The following ASPH variants were observed in gnomAD, a reference collection of about 807,000 sequenced individuals.
ASPH encodes the protein aspartate beta-hydroxylase, also known as aspartyl/asparaginyl beta-hydroxylase.
A neutral mutation model predicts 118.4 loss-of-function variants in ASPH; 100 were observed. The observed-to-expected ratio is 0.84, with a 90% confidence interval of 0.72 to 1.00. The LOEUF is 1.00. ASPH is among the 50% of genes least tolerant of loss of function. The pLI, the probability that ASPH is intolerant of heterozygous loss-of-function variation, is 0.00. For synonymous variants in ASPH, 315 were observed against 325.6 expected (o/e 0.97, Z 0.35); for missense variants, 920 against 919.5 (o/e 1.00, Z -0.01).
Position 61,638,501 on chromosome 8 carries a change from G to C in ASPH, c.791-138C>G, listed in dbSNP as rs544215398. Reference sequence around the variant, plus strand: ...TCAGTCACTGGGAAACAGCCGACTAGAGAGTAGGGTGGAGAAGAGTTTGGT... The same window carrying C: ...TCAGTCACTGGGAAACAGCCGACTACAGAGTAGGGTGGAGAAGAGTTTGGT... On this transcript the variant is annotated intron_variant, in intron 10 of 24. Transcript: ENST00000379454. The C allele has an allele frequency of 1.8e-4, 133 of 735,948 alleles. No homozygotes were observed. In the African/African-American group the frequency reaches 2.1e-3, roughly 12 times the overall value. The allele number at this position is 735,948 out of a possible 1,614,324, so 45.6% of individuals were successfully genotyped here.
intron 14 of ASPH, among the ~76,000 whole-genome samples, chr8:61,591,662 A>G (rs1563942382): frequency 1.3e-5 from 2 of 152,222 alleles, no homozygotes; most frequent in Non-Finnish European, 1.5e-5. Context: ...CTGTGCTGAT[A>G]ATAACAGCTG....
At chr8:61,670,793 A>T (rs980162502) in intron 3 of ASPH, among the ~76,000 whole-genome samples, 2 of 152,000 alleles carry the variant, frequency 1.3e-5, no homozygotes, top group Non-Finnish European at 2.9e-5. Flanking sequence ...GACAAGAAAC[A>T]ATAGCTCAAA....
intron 6 of ASPH, among the ~76,000 whole-genome samples, chr8:61,645,683 T>C (rs1281342029): frequency 1.3e-5 from 2 of 152,246 alleles, no homozygotes; most frequent in Non-Finnish European, 2.9e-5. Context: ...CAGAAAATTA[T>C]GCATTATATA....
chr8:61,638,358 A>G lies in ASPH; in HGVS notation c.796T>C (p.Tyr266His). 1 of 1,576,678 alleles carries G rather than the reference A, an allele frequency of 6.3e-7. No individual in the cohort carries two copies. Among genetic ancestry groups the G allele is most frequent in the South Asian group, 1.2e-5 (1 of 84,360 alleles). Reference sequence around the variant, plus strand: ...ATCCCTTCATTTTCTAGAGGTTCATATACTGCTAAAAAAAAAAAAACAGAA... The same window carrying G: ...ATCCCTTCATTTTCTAGAGGTTCATGTACTGCTAAAAAAAAAAAAACAGAA... ...TYQVYEEQAV[Y>H]EPLENEGIEI... is the part of the protein sequence containing the mutation. Residue 266 changes from tyrosine (Y) to histidine (H), a missense_variant, in exon 11 of 25, where the codon TAT becomes CAT. By Grantham distance (83) the Tyr-to-His change is moderately conservative. Transcript: ENST00000379454.
chr8:61,511,700 T>C (rs1808878717), intron 24 of ASPH, among the ~76,000 whole-genome samples: 1 of 152,214 alleles, frequency 6.6e-6, no homozygotes, highest in Non-Finnish European at 1.5e-5. Context: ...ACCTCCATTA[T>C]TCAAGTGATT....
chr8:61,528,609 TA>T (rs34829187), intron 21 of ASPH, among the ~76,000 whole-genome samples: 148,650 of 152,240 alleles, frequency 0.98, 72,583 homozygotes, highest in East Asian at 1. Context: ...CTTTTGTTAC[TA>T]AAAATAGGGC....
In ASPH at chr8:61,714,547, C is replaced by T. The variant is rs1838929795; in HGVS notation, c.-176G>A. On this transcript the variant is annotated 5_prime_UTR_variant, in exon 1 of 25. Coordinates refer to ENST00000379454, the MANE Select transcript of ASPH (RefSeq NM_004318.4). ...GCAGCACCTGGGAAGACTTCACCCG[C>T]CTGCCGGCTGCGCGCGCCCGGCCTC... 1 of 1,004,936 alleles carries T rather than the reference C, an allele frequency of 1.0e-6. No homozygotes were observed. Among genetic ancestry groups the T allele is most frequent in the Non-Finnish European group, 1.3e-6 (1 of 770,570 alleles). 62.3% of individuals were successfully genotyped at this position (1,004,936 alleles called of 1,614,324 possible). A position where few individuals can be genotyped will look rare whatever the true frequency, so the allele number is the denominator to read the frequency against.
rs13439225 is a variant in ASPH at position 61,714,548 on chromosome 8, C to G, written c.-177G>C. ...CAGCACCTGGGAAGACTTCACCCGC[C>G]TGCCGGCTGCGCGCGCCCGGCCTCG... On this transcript the variant is annotated 5_prime_UTR_variant, in exon 1 of 25. Coordinates refer to ENST00000379454, the MANE Select transcript of ASPH (RefSeq NM_004318.4). 0.033 allele frequency: 32,582 copies of G among 989,694 alleles called. 655 individuals are homozygous for G. The highest frequency in any genetic ancestry group is 0.068 in the African/African-American group (3,992 of 58,666). The allele number at this position is 989,694 out of a possible 1,614,324, so 61.3% of individuals were successfully genotyped here. A position where few individuals can be genotyped will look rare whatever the true frequency, so the allele number is the denominator to read the frequency against.
chr8:61,584,709 A>G (rs1218755660), intron 14 of ASPH, among the ~76,000 whole-genome samples: 1 of 135,576 alleles, frequency 7.4e-6, no homozygotes, highest in South Asian at 2.3e-4. Context: ...GAGTCTCACT[A>G]TGTCACCCAG....
chr8:61,670,696 G>A (rs576609018), intron 3 of ASPH, among the ~76,000 whole-genome samples: 2 of 151,956 alleles, frequency 1.3e-5, no homozygotes, highest in South Asian at 4.2e-4. Context: ...GAGGTGATGA[G>A]GTCAGGAGGA....
intron 13 of ASPH, among the ~76,000 whole-genome samples, chr8:61,620,557 CCTT>C (rs1850567577): frequency 6.6e-6 from 1 of 151,918 alleles, no homozygotes; most frequent in South Asian, 2.1e-4. Context: ...ACTATAGCCT[CCTT>C]ATTATAAAGT....
At chr8:61,663,173 GCTT>G (rs1817801537) in intron 3 of ASPH, 11 of 985,200 alleles carry the variant, frequency 1.1e-5, no homozygotes, top group South Asian at 4.7e-5. Flanking sequence ...GACATGTTCT[GCTT>G]CTTCTTCTGT....
At chr8:61,662,214 T>C (rs1271375372) in intron 3 of ASPH, among the ~76,000 whole-genome samples, 3 of 152,222 alleles carry the variant, frequency 2.0e-5, no homozygotes, top group African/African-American at 7.2e-5. Flanking sequence ...AAATGTGAAA[T>C]GTTATCTTTT....
chr8:61,615,399 C>T (rs778074079), intron 14 of ASPH, among the ~76,000 whole-genome samples: 1 of 152,174 alleles, frequency 6.6e-6, no homozygotes, highest in Non-Finnish European at 1.5e-5. Flanking sequence ...CCTTTTCACA[C>T]TTCACACTGC....
intron 14 of ASPH, among the ~76,000 whole-genome samples, chr8:61,586,354 T>A (rs1029755826): frequency 6.6e-6 from 1 of 152,226 alleles, no homozygotes; most frequent in Non-Finnish European, 1.5e-5. Flanking sequence ...TATTGACACA[T>A]ACCTCAAACT....
At chr8:61,585,770 C>T (rs1369945229) in intron 14 of ASPH, among the ~76,000 whole-genome samples, 4 of 152,110 alleles carry the variant, frequency 2.6e-5, no homozygotes, top group Non-Finnish European at 4.4e-5. Flanking sequence ...AGCAAGTCTG[C>T]CAGAGGAGGG....
chr8:61,713,696 C>G (rs1043850447), intron 1 of ASPH, among the ~76,000 whole-genome samples: 2 of 152,168 alleles, frequency 1.3e-5, no homozygotes, highest in Non-Finnish European at 2.9e-5. Context: ...TCATGACATT[C>G]TATTTTAAAG....
chr8:61,548,962 T>C (rs552639769), intron 20 of ASPH, among the ~76,000 whole-genome samples: 2 of 152,308 alleles, frequency 1.3e-5, no homozygotes, highest in East Asian at 3.9e-4. Flanking sequence ...CTTTAAATGA[T>C]GCCCTCACCA....
chr8:61,597,740 C>T (rs542052869), intron 14 of ASPH, among the ~76,000 whole-genome samples: 1 of 152,140 alleles, frequency 6.6e-6, no homozygotes, highest in East Asian at 1.9e-4. Flanking sequence ...TTTCAAAGAG[C>T]TGAAAGAAAA....
Sources: allele counts gnomAD v4.1 joint callset (sites outside exome capture counted in the v4.1 genomes callset), GRCh38; gene constraint gnomAD v4.1.1; transcripts MANE v1.5; gene names NCBI Gene and HGNC (gene_info 2026-07-23, HGNC 2026-07-21).